The following LTBP1 variants were observed in gnomAD, a reference collection of about 807,000 sequenced individuals.
LTBP1 encodes the protein latent transforming growth factor beta binding protein 1, also known as latent-transforming growth factor beta-binding protein 1.
Under a neutral mutation model 207.6 loss-of-function variants are expected in LTBP1, and 129 were observed. The observed-to-expected ratio is 0.62, with a 90% CI of 0.54 to 0.72. LTBP1 has a LOEUF of 0.72. Ranked by LOEUF, LTBP1 falls within the 30% of genes least tolerant of loss-of-function variation. The pLI is 0.00. For missense variants in LTBP1, 2,281 were observed against 2,217.2 expected (o/e 1.03, Z -0.58); for synonymous variants, 963 against 833.7 (o/e 1.16, Z -2.67).
At chr2:33,188,982 T>A (rs2087528987) in intron 7 of LTBP1, 131 bp downstream of exon 7, 2 of 1,094,930 alleles carry the variant, frequency 1.8e-6, no homozygotes, top group Non-Finnish European at 2.6e-6. Flanking sequence ...GTGGCCATAT[T>A]TTTGTAAATA....
intron 2 of LTBP1, among the ~76,000 whole-genome samples, chr2:32,968,036 C>T (rs1473200174): frequency 6.6e-6 from 1 of 152,112 alleles, no homozygotes; most frequent in African/African-American, 2.4e-5. Flanking sequence ...GGTGCAATCT[C>T]TACTCACTGC....
chr2:33,081,270 A>C lies in LTBP1; in HGVS notation c.864-29312A>C, dbSNP rs75389896. Among the ~76,000 whole-genome samples the C allele has an allele frequency of 7.2e-3, 1,098 of 152,098 alleles. 11 individuals are homozygous for C. The highest frequency in any genetic ancestry group is 0.025 in the African/African-American group (1,055 of 41,468). ...GGGGAGAAGGGCCAGGGAAGGTGAG[A>C]GTGACCTTCCTGCTTCTGCTGTTTT... On this transcript the variant is annotated intron_variant, in intron 3 of 33. Transcript: ENST00000404816.
rs145332645 is a variant in LTBP1, at chr2:33,043,573, C to T, written c.863+22367C>T. On this transcript the variant is annotated intron_variant, in intron 3 of 33. Coordinates refer to ENST00000404816, the MANE Select transcript of LTBP1 (RefSeq NM_206943.4). ...TGGTGGAGGGAGAGAGTGTTTCAGG[C>T]TAGAATGGCCGGTTTTAGCTGTGGA... 7.2e-4 allele frequency among the ~76,000 whole-genome samples: 110 copies of T among 151,996 alleles called. 2 individuals are homozygous for T. The highest frequency in any genetic ancestry group is 4.2e-3 in the Admixed American group (64 of 15,276).
intron 3 of LTBP1, among the ~76,000 whole-genome samples, chr2:33,034,822 A>G (rs777045066): frequency 5.9e-5 from 9 of 152,200 alleles, no homozygotes; most frequent in Non-Finnish European, 1.2e-4. Context: ...ATATGGAAAT[A>G]TCCATGCCAA....
At chr2:33,204,345 C>T (rs185339648) in intron 7 of LTBP1, among the ~76,000 whole-genome samples, 4 of 152,256 alleles carry the variant, frequency 2.6e-5, no homozygotes, top group Non-Finnish European at 2.9e-5. Flanking sequence ...AGCTTGGACA[C>T]GTCTGTGAAC....
intron 5 of LTBP1, among the ~76,000 whole-genome samples, chr2:33,181,409 A>G (rs1180231636): frequency 6.6e-6 from 1 of 152,238 alleles, no homozygotes; most frequent in East Asian, 1.9e-4. Context: ...ACCAAAGTGA[A>G]TGGTGGAATA....
chr2:33,297,988 G>A (rs946456107), intron 20 of LTBP1, among the ~76,000 whole-genome samples: 2 of 152,118 alleles, frequency 1.3e-5, no homozygotes, highest in African/African-American at 4.8e-5. Context: ...GATTAAACTG[G>A]GGTCATGGGT....
intron 24 of LTBP1, among the ~76,000 whole-genome samples, chr2:33,328,839 G>T (rs1037348687): frequency 6.6e-6 from 1 of 152,062 alleles, no homozygotes; most frequent in Non-Finnish European, 1.5e-5. Context: ...TGTAAGCTTC[G>T]TCTGTCTTGT....
intron 5 of LTBP1, among the ~76,000 whole-genome samples, chr2:33,165,327 C>G (rs1166485434): frequency 3.3e-5 from 5 of 152,034 alleles, no homozygotes; most frequent in African/African-American, 1.2e-4. Flanking sequence ...AAGAAATAGG[C>G]GAGACGCTGA....
chr2:33,077,552 C>A (rs1481909081), intron 3 of LTBP1, among the ~76,000 whole-genome samples: 5 of 152,058 alleles, frequency 3.3e-5, no homozygotes, highest in African/African-American at 1.2e-4. Flanking sequence ...TACTTTTAAA[C>A]AACCAGATCT....
intron 2 of LTBP1, 35 bp from the exon 3 acceptor site, chr2:33,020,874 T>C (rs764962113): frequency 2.6e-6 from 4 of 1,527,748 alleles, no homozygotes; most frequent in Non-Finnish European, 3.5e-6. Flanking sequence ...ACAATGTTGT[T>C]CTTCAAAGCT....
intron 4 of LTBP1, among the ~76,000 whole-genome samples, chr2:33,125,298 C>G (rs1310560239): frequency 6.6e-6 from 1 of 152,206 alleles, no homozygotes; most frequent in Non-Finnish European, 1.5e-5. Flanking sequence ...GGTTTCCTTG[C>G]TGGCAGAATG....
In LTBP1 at chr2:33,262,738, A is replaced by G. The variant is rs753408248; in HGVS notation, c.2435A>G (p.Asp812Gly). The G allele has an allele frequency of 6.3e-7, 1 of 1,598,964 alleles. No individual in the cohort carries two copies. The highest frequency in any genetic ancestry group is 8.5e-7 in the Non-Finnish European group (1 of 1,170,160). ...ACCATCCAGGAAATACCTTCATTGG[A>G]TCAAGAGAAAACCAAACTTGAGCCT... Reference protein sequence around the residue: ...APPEKEIPSLDQEKTKLEPGQ... With the variant: ...APPEKEIPSLGQEKTKLEPGQ... The change falls in exon 14 of 34, where the codon GAT (aspartate) becomes GGT (glycine). Residue 812 changes from aspartate (D) to glycine (G), a missense_variant. Physicochemically the swap from Asp to Gly is moderately conservative, Grantham distance 94. Around this residue, in one of 3 missense-constraint regions of LTBP1, gnomAD observed 1,671 missense variants for 1,634.8 expected, o/e 1.02. Coordinates refer to ENST00000404816, the MANE Select transcript of LTBP1 (RefSeq NM_206943.4).
intron 20 of LTBP1, among the ~76,000 whole-genome samples, chr2:33,293,589 A>T (rs2093817064): frequency 6.6e-6 from 1 of 152,220 alleles, no homozygotes; most frequent in Non-Finnish European, 1.5e-5. Context: ...GAATATATTA[A>T]AAACCATTGA....
chr2:33,290,748 A>C (rs1055965799), intron 19 of LTBP1, among the ~76,000 whole-genome samples: 4 of 152,200 alleles, frequency 2.6e-5, no homozygotes, highest in African/African-American at 9.6e-5. Context: ...TAATGGTACT[A>C]GATATTGGTG....
At chr2:33,062,777 A>T (rs189122420) in intron 3 of LTBP1, among the ~76,000 whole-genome samples, 20 of 152,332 alleles carry the variant, frequency 1.3e-4, no homozygotes. Context: ...TGATTTTCGT[A>T]TCTGATAACC....
At chr2:33,143,302 C>T (rs913514932) in intron 5 of LTBP1, among the ~76,000 whole-genome samples, 2 of 152,208 alleles carry the variant, frequency 1.3e-5, no homozygotes, top group Non-Finnish European at 2.9e-5. Flanking sequence ...GGAACAAAGA[C>T]TTGTCCACTC....
intron 7 of LTBP1, among the ~76,000 whole-genome samples, chr2:33,195,627 C>G (rs778096171): frequency 1.3e-5 from 2 of 152,138 alleles, no homozygotes; most frequent in African/African-American, 4.8e-5. Context: ...GAGATGAAAT[C>G]GACTCCTGGT....
chr2:33,035,104 T>A (rs2075859264), intron 3 of LTBP1, among the ~76,000 whole-genome samples: 1 of 152,202 alleles, frequency 6.6e-6, no homozygotes, highest in South Asian at 2.1e-4. Flanking sequence ...TTGTTGCCGA[T>A]GGATAGGAAT....
Sources: gnomAD v4.1 joint callset for allele counts (sites outside exome capture counted in the v4.1 genomes callset) on GRCh38, gnomAD v4.1.1 for gene constraint, gnomAD v4.1.1 regional missense constraint, MANE v1.5 for transcripts, NCBI Gene and HGNC (gene_info 2026-07-23, HGNC 2026-07-21) for gene names.